The following SMC6 variants were observed in gnomAD, a reference collection of about 807,000 sequenced individuals.
SMC6 encodes structural maintenance of chromosomes 6.
A neutral mutation model predicts 142.2 loss-of-function variants in SMC6; 79 were observed. That is an observed-to-expected ratio of 0.56 (90% CI 0.46 to 0.67). SMC6 has a LOEUF of 0.67. Ranked by LOEUF, SMC6 falls within the 30% of genes least tolerant of loss-of-function variation. SMC6 has a pLI of 0.00. For synonymous variants in SMC6, 411 were observed against 412.4 expected, an observed-to-expected ratio of 1.00 and a Z score of 0.04; for missense variants, 1,072 against 1,284.0, an observed-to-expected ratio of 0.83 and a Z score of 2.52.
At chr2:17,708,835 T>TAA (rs1668678686) in intron 16 of SMC6, 82 bp from the exon 17 acceptor site, 1 of 381,436 alleles carries the variant, frequency 2.6e-6, no homozygotes, top group Middle Eastern at 6.6e-4. Context: ...TATATATATA[T>TAA]AAGAGTATAT....
intron 23 of SMC6, among the ~76,000 whole-genome samples, chr2:17,689,252 A>G (rs185222579): frequency 2.6e-5 from 4 of 152,328 alleles, no homozygotes; most frequent in East Asian, 3.9e-4. Flanking sequence ...GAACCTAATT[A>G]TAAGAAAAAA....
At chr2:17,698,252 T>A (rs185628257) in intron 21 of SMC6, among the ~76,000 whole-genome samples, 1 of 152,188 alleles carries the variant, frequency 6.6e-6, no homozygotes, top group African/African-American at 2.4e-5. Flanking sequence ...CATTGAATTA[T>A]ACACTTTAAA....
intron 12 of SMC6, among the ~76,000 whole-genome samples, chr2:17,717,653 A>G (rs1017794911): frequency 1.3e-5 from 2 of 152,106 alleles, no homozygotes; most frequent in South Asian, 4.2e-4. Context: ...CCTGGGTGAC[A>G]GGGTGAGACT....
At chr2:17,722,415 T>G (rs758237889) in intron 9 of SMC6, among the ~76,000 whole-genome samples, 20 of 152,206 alleles carry the variant, frequency 1.3e-4, no homozygotes, top group Non-Finnish European at 2.5e-4. Context: ...CTTTACCCTC[T>G]TCATGACTCA....
intron 20 of SMC6, among the ~76,000 whole-genome samples, chr2:17,701,524 C>T (rs1234124327): frequency 6.6e-6 from 1 of 152,164 alleles, no homozygotes; most frequent in Non-Finnish European, 1.5e-5. Flanking sequence ...GTGAAAAACA[C>T]TATGCTCAAC....
intron 26 of SMC6, among the ~76,000 whole-genome samples, chr2:17,669,209 G>A (rs1666643458): frequency 6.6e-6 from 1 of 152,140 alleles, no homozygotes; most frequent in African/African-American, 2.4e-5. Context: ...CATTAATCAA[G>A]GTAGGGAATT....
At chr2:17,722,084 T>C (rs1300507897) in intron 9 of SMC6, among the ~76,000 whole-genome samples, 1 of 152,086 alleles carries the variant, frequency 6.6e-6, no homozygotes, top group Non-Finnish European at 1.5e-5. Context: ...TGTTTCCCTA[T>C]CTAATGCACT....
At chr2:17,732,993 C>A (rs1669983430) in intron 5 of SMC6, among the ~76,000 whole-genome samples, 1 of 152,008 alleles carries the variant, frequency 6.6e-6, no homozygotes, top group Non-Finnish European at 1.5e-5. Flanking sequence ...TGATGAAGGA[C>A]ATTAATAAAG....
Position 17,753,681 on chromosome 2 carries a change from G to A in SMC6, c.-148C>T, listed in dbSNP as rs1230275788. 2 of 152,320 alleles carry A rather than the reference G, an allele frequency of 1.3e-5. No individual in the cohort carries two copies. Among genetic ancestry groups the A allele is most frequent in the Non-Finnish European group, 2.9e-5 (2 of 68,018 alleles). The allele number at this position is 152,320 out of a possible 1,614,324, so 9.4% of individuals were successfully genotyped here. A position where few individuals can be genotyped will look rare whatever the true frequency, so the allele number is the denominator to read the frequency against. On this transcript the variant is annotated 5_prime_UTR_variant, in exon 1 of 28. Transcript: ENST00000448223. ...CTGATCGGCGGGGCTGCCGTGGTAC[G>A]ACCGGCCGCTAAGGCCACCCTGCGG...
intron 26 of SMC6, among the ~76,000 whole-genome samples, chr2:17,669,938 A>G (rs1359750478): frequency 1.3e-5 from 2 of 152,212 alleles, no homozygotes; most frequent in East Asian, 3.8e-4. Context: ...TGTCAGAGGT[A>G]GGTCTCAAAT....
At chr2:17,666,545 T>G (rs557718744) in intron 26 of SMC6, 28 bp from the exon 27 acceptor site, 97 of 1,532,490 alleles carry the variant, frequency 6.3e-5, no homozygotes, top group Non-Finnish European at 8.8e-5. Flanking sequence ...AAGTTAGGAT[T>G]GCTATTGTGT....
rs577732240 is a variant in SMC6, at chr2:17,712,737, T to C, written c.1730+2124A>G. On this transcript the variant is annotated intron_variant, in intron 16 of 27. Coordinates refer to ENST00000448223, the MANE Select transcript of SMC6 (RefSeq NM_001142286.2). ...TATAGCCAGTTTTTAAATTTAGCAT[T>C]TGAACCATAATTCATACCGAAAAAT... Among the ~76,000 whole-genome samples, 313 of 152,320 alleles carry C rather than the reference T, an allele frequency of 2.1e-3. 1 individual carries two copies. Among genetic ancestry groups the C allele is most frequent in the African/African-American group, 7.3e-3 (305 of 41,576 alleles).
chr2:17,740,725 C>T (rs74186848), intron 4 of SMC6: 47 of 447,236 alleles, frequency 1.1e-4, no homozygotes, highest in South Asian at 6.5e-4. Context: ...CTTGAAGGCA[C>T]GCTAATCCCA....
intron 3 of SMC6, among the ~76,000 whole-genome samples, chr2:17,743,142 A>C (rs766394344): frequency 5.3e-5 from 8 of 152,212 alleles, no homozygotes; most frequent in Non-Finnish European, 8.8e-5. Context: ...GGATGTACCA[A>C]GGTATATTTA....
intron 7 of SMC6, among the ~76,000 whole-genome samples, chr2:17,728,099 T>C (rs1416378014): frequency 6.6e-6 from 1 of 152,192 alleles, no homozygotes; most frequent in East Asian, 1.9e-4. Flanking sequence ...TTTTCATTGT[T>C]TTTGAAATGG....
chr2:17,741,555 C>T (rs2125073359), intron 4 of SMC6, 57 bp downstream of exon 4: 7 of 1,060,926 alleles, frequency 6.6e-6, no homozygotes, highest in South Asian at 1.5e-5. Context: ...AAAAAGTTAA[C>T]GTACTCTAAT....
In SMC6 at chr2:17,752,974, T is replaced by C. The variant is rs970919610; in HGVS notation, c.-6+4A>G. 4.1e-6 allele frequency: 4 copies of C among 978,152 alleles called. No individual in the cohort carries two copies. Among genetic ancestry groups the C allele is most frequent in the Non-Finnish European group, 4.9e-6 (4 of 823,426 alleles). The allele number at this position is 978,152 out of a possible 1,614,324, so 60.6% of individuals were successfully genotyped here. A position where few individuals can be genotyped will look rare whatever the true frequency, so the allele number is the denominator to read the frequency against. On this transcript the variant is annotated splice_donor_region_variant and intron_variant, in intron 2 of 27. Transcript: ENST00000448223. The stretch of plus-strand genomic sequence containing the variant: ...GATTGCTCTAAGAATTTTCACAGTA[T>C]TACCTCAAACCCTATTGGTTCTACA...
intron 7 of SMC6, among the ~76,000 whole-genome samples, chr2:17,730,684 C>T (rs1005931786): frequency 3.3e-5 from 5 of 151,300 alleles, no homozygotes; most frequent in Non-Finnish European, 5.9e-5. Context: ...CTCACCGCAA[C>T]CTCTGCCTCC....
intron 5 of SMC6, among the ~76,000 whole-genome samples, chr2:17,736,417 T>C (rs1670152672): frequency 6.6e-6 from 1 of 152,174 alleles, no homozygotes; most frequent in African/African-American, 2.4e-5. Flanking sequence ...TACCCTGGTC[T>C]AAGTACTTCT....
Sources: allele counts gnomAD v4.1 joint callset (sites outside exome capture counted in the v4.1 genomes callset), GRCh38; gene constraint gnomAD v4.1.1; transcripts MANE v1.5; gene names NCBI Gene and HGNC (gene_info 2026-07-23, HGNC 2026-07-21).